TNRC6A: variants seen among roughly 807,000 people sequenced by gnomAD.
TNRC6A encodes the protein trinucleotide repeat containing adaptor 6A, also known as trinucleotide repeat-containing gene 6A protein.
In TNRC6A, 44 loss-of-function variants were observed where a neutral mutation model predicts 221.2. That is an observed-to-expected ratio of 0.20 (90% CI 0.16 to 0.26). The LOEUF (loss-of-function observed/expected upper bound fraction) is 0.26, where lower values mean the gene tolerates loss of function less well. Among genes scored for constraint, TNRC6A ranks in the 10% least tolerant of loss-of-function variants. The probability of loss-of-function intolerance (pLI) is 1.00; values close to 1 mark genes in which losing one functional copy is unlikely to be tolerated. For synonymous variants in TNRC6A, 847 were observed against 838.5 expected (o/e 1.01, Z -0.18); for missense variants, 2,199 against 2,404.4 (o/e 0.91, Z 1.79).
intron 2 of TNRC6A, among the ~76,000 whole-genome samples, chr16:24,708,445 G>A (rs1251211040): frequency 6.6e-6 from 1 of 151,986 alleles, no homozygotes; most frequent in South Asian, 2.1e-4. Flanking sequence ...GTTTCACCAT[G>A]TTAGCCAGGA....
chr16:24,740,908 G>A (rs72768672), intron 2 of TNRC6A, among the ~76,000 whole-genome samples: 9,986 of 152,232 alleles, frequency 0.066, 404 homozygotes, highest in Middle Eastern at 0.088. Flanking sequence ...GTCCTTTTGT[G>A]ACTGGCTTAT....
At position 24,641,906 on chromosome 16, in the gene TNRC6A, G is replaced by A. The variant is rs186504702; in HGVS notation, n.402+897G>A. Among the ~76,000 whole-genome samples, 299 of 152,326 alleles carry A rather than the reference G, an allele frequency of 2.0e-3. 1 individual carries two copies. Among genetic ancestry groups the A allele is most frequent in the African/African-American group, 7.0e-3 (290 of 41,576 alleles). On this transcript the variant is annotated intron_variant and non_coding_transcript_variant, in intron 2 of 2. Coordinates refer to the TNRC6A transcript ENST00000566108. The stretch of plus-strand genomic sequence containing the variant: ...CAATCAGTGGCAGGTGGCCAGAGAA[G>A]CTAGTCTTTGGGAAAAACAATGGGA...
intron 4 of TNRC6A, among the ~76,000 whole-genome samples, chr16:24,765,384 T>G (rs2057451123): frequency 6.6e-6 from 1 of 151,854 alleles, no homozygotes; most frequent in Admixed American, 6.6e-5. Flanking sequence ...TCCCAGAGAG[T>G]CAAGTCTAGT....
chr16:24,661,257 C>G (rs1203379689), intron 2 of TNRC6A, among the ~76,000 whole-genome samples: 2 of 150,414 alleles, frequency 1.3e-5, no homozygotes, highest in Non-Finnish European at 1.5e-5. Flanking sequence ...CTGAGTCTCT[C>G]AAGTCCATAA....
intron 3 of TNRC6A, among the ~76,000 whole-genome samples, chr16:24,754,295 T>C (rs561720478): frequency 2.0e-5 from 3 of 152,304 alleles, no homozygotes; most frequent in Admixed American, 6.5e-5. Flanking sequence ...TATCCTATCA[T>C]TTAAATATTA....
At chr16:24,700,149 C>CT (rs751404612) in intron 2 of TNRC6A, among the ~76,000 whole-genome samples, 5 of 152,076 alleles carry the variant, frequency 3.3e-5, no homozygotes, top group Admixed American at 6.6e-5. Flanking sequence ...AATTTTAGCA[C>CT]TTTGGGAAAC....
intron 2 of TNRC6A, among the ~76,000 whole-genome samples, chr16:24,732,113 T>C (rs12921589): frequency 0.24 from 36,454 of 152,018 alleles, 4,891 homozygotes; most frequent in Non-Finnish European, 0.31. Context: ...GAAAAACAAA[T>C]ATCAAAGAGA....
intron 4 of TNRC6A, among the ~76,000 whole-genome samples, chr16:24,770,998 A>T (rs1005729241): frequency 6.6e-6 from 1 of 152,222 alleles, no homozygotes; most frequent in East Asian, 1.9e-4. Context: ...GAGGTGACAC[A>T]GTGTGGGATA....
At chr16:24,718,811 C>A (rs566133601) in intron 2 of TNRC6A, among the ~76,000 whole-genome samples, 2 of 151,570 alleles carry the variant, frequency 1.3e-5, no homozygotes, top group African/African-American at 4.8e-5. Flanking sequence ...CTGAGGCGGG[C>A]GGATCACCTG....
chr16:24,697,114 AGGT>A (rs1408267108), intron 2 of TNRC6A, among the ~76,000 whole-genome samples: 1 of 152,194 alleles, frequency 6.6e-6, no homozygotes, highest in African/African-American at 2.4e-5. Flanking sequence ...TGAAAGTTTG[AGGT>A]GATGAATATG....
chr16:24,632,847 A>G (rs1215316741), intron 1 of TNRC6A, among the ~76,000 whole-genome samples: 1 of 151,982 alleles, frequency 6.6e-6, no homozygotes, highest in Non-Finnish European at 1.5e-5. Context: ...TGTCTCTACT[A>G]AAAATACAAA....
At chr16:24,659,754 G>A (rs529641880) in intron 2 of TNRC6A, among the ~76,000 whole-genome samples, 41 of 152,200 alleles carry the variant, frequency 2.7e-4, no homozygotes, top group African/African-American at 9.4e-4. Flanking sequence ...TATCTTTCTT[G>A]TACTGTGACT....
Position 24,783,380 on chromosome 16 carries a change from C to T in TNRC6A, c.590-5852C>T, listed in dbSNP as rs141012329. Among the ~76,000 whole-genome samples, 1,363 of 152,214 alleles carry T rather than the reference C, an allele frequency of 9.0e-3. 4 individuals carry two copies. The highest frequency in any genetic ancestry group is 0.014 in the Non-Finnish European group (945 of 68,008). On this transcript the variant is annotated intron_variant, in intron 5 of 24. Coordinates refer to ENST00000395799, the MANE Select transcript of TNRC6A (RefSeq NM_014494.4). ...CTGACCTCAGGTAATATGCCCACCT[C>T]GGCCTCCCAAAGTGCTGGGATTACA...
At chr16:24,735,934 G>A (rs912689805) in intron 2 of TNRC6A, among the ~76,000 whole-genome samples, 3 of 152,190 alleles carry the variant, frequency 2.0e-5, no homozygotes, top group African/African-American at 4.8e-5. Flanking sequence ...GGAGGCCGAG[G>A]TGGGCAGATC....
rs2058042023 is a variant in TNRC6A, at chr16:24,789,267, A to G, written c.625A>G (p.Asn209Asp). 2 of 1,609,516 alleles carry G rather than the reference A, an allele frequency of 1.2e-6. No individual in the cohort carries two copies. The highest frequency in any genetic ancestry group is 1.3e-5 in the African/African-American group (1 of 74,714). ...NHSTSGSHYE[N>D]SQRGPVSSTS... Reference sequence around the variant, plus strand: ...CAGTACTTCAGGATCCCATTATGAAAATTCCCAGCGGGGACCTGTGTCTTC... The same window carrying G: ...CAGTACTTCAGGATCCCATTATGAAGATTCCCAGCGGGGACCTGTGTCTTC... Residue 209 changes from asparagine (N) to aspartate (D), a missense_variant, in exon 6 of 25, where the codon AAT becomes GAT. Around this residue, in one of 8 missense-constraint regions of TNRC6A, gnomAD observed 1,405 missense variants for 1,400.2 expected, o/e 1.00. Coordinates refer to ENST00000395799, the MANE Select transcript of TNRC6A (RefSeq NM_014494.4).
intron 2 of TNRC6A, among the ~76,000 whole-genome samples, chr16:24,701,906 C>T (rs1310862690): frequency 1.3e-5 from 2 of 151,912 alleles, no homozygotes; most frequent in Non-Finnish European, 2.9e-5. Context: ...GGAGTCCATC[C>T]ATCAACTTTG....
rs139795907 is a variant in TNRC6A, at chr16:24,759,534, C to T, written c.163+1174C>T. ...CAGGTAGACAGCATGGGGAATACGA[C>T]GTGCATCTTTTGTCTCTAGAGTTGG... On this transcript the variant is annotated intron_variant, in intron 4 of 24. Coordinates refer to ENST00000395799, the MANE Select transcript of TNRC6A (RefSeq NM_014494.4). Among the ~76,000 whole-genome samples the T allele has an allele frequency of 1.1e-4, 16 of 152,226 alleles. No individual in the cohort carries two copies. In the East Asian group the frequency reaches 1.7e-3, roughly 17 times the overall value.
At chr16:24,637,740 A>C (rs1394343443) in intron 1 of TNRC6A, among the ~76,000 whole-genome samples, 1 of 152,132 alleles carries the variant, frequency 6.6e-6, no homozygotes, top group Non-Finnish European at 1.5e-5. Context: ...TGAAAGAAGC[A>C]AGGCACGTAG....
rs750747497 is a variant in TNRC6A at position 24,789,982 on chromosome 16, C to T, written c.1340C>T (p.Thr447Ile). The T allele has an allele frequency of 1.2e-6, 2 of 1,614,146 alleles. No homozygotes were observed. The highest frequency in any genetic ancestry group is 1.7e-6 in the Non-Finnish European group (2 of 1,180,034). Residue 447 changes from threonine (T) to isoleucine (I), a missense_variant, in exon 6 of 25, where the codon ACC becomes ATC. Around this residue, in one of 8 missense-constraint regions of TNRC6A, gnomAD observed 1,405 missense variants for 1,400.2 expected, o/e 1.00. Transcript: ENST00000395799. ...VSFSGQPQNI[T>I]TEMTGPNNTT... ...TTCAGTGGTCAACCTCAAAATATTACCACTGAAATGACTGGACCAAATAAC... is the reference window on the plus strand; with the variant it reads ...TTCAGTGGTCAACCTCAAAATATTATCACTGAAATGACTGGACCAAATAAC...
Sources: gnomAD v4.1 joint callset for allele counts (sites outside exome capture counted in the v4.1 genomes callset) on GRCh38, gnomAD v4.1.1 for gene constraint, gnomAD v4.1.1 regional missense constraint, MANE v1.5 for transcripts, NCBI Gene and HGNC (gene_info 2026-07-23, HGNC 2026-07-21) for gene names.